Variants in MNX1 observed in about 807,000 individuals in gnomAD.
MNX1 encodes the protein motor neuron and pancreas homeobox protein 1.
MNX1 carries 2 observed loss-of-function variants against 17.3 expected under a neutral mutation model. The observed-to-expected ratio is 0.12, with a 90% CI of 0.05 to 0.36. MNX1 has a LOEUF of 0.36. MNX1 is among the 10% of genes least tolerant of loss of function. The pLI, the probability that MNX1 is intolerant of heterozygous loss-of-function variation, is 1.00. For synonymous variants in MNX1, 306 were observed against 283.1 expected (o/e 1.08, Z -0.81); for missense variants, 556 against 564.7 (o/e 0.98, Z 0.16).
Position 157,009,712 on chromosome 7 carries a change from C to A in MNX1, c.639G>T (p.Trp213Cys). ...TCATGCCCGCGGTGGACGCGCGCAG[C>A]CACTGGTCCAGCTGGAAGGTGCCGG... ...LGAGTFQLDQWLRASTAGMIL... is the reference protein window; with the variant it reads ...LGAGTFQLDQCLRASTAGMIL... Residue 213 changes from tryptophan (W) to cysteine (C), a missense_variant, in exon 1 of 3, where the codon TGG (tryptophan) becomes TGT (cysteine). Trp to Cys is a radical substitution (Grantham distance 215). Around this residue, in one of 7 missense-constraint regions of MNX1, gnomAD observed 210 missense variants for 211.3 expected, o/e 0.99. Coordinates refer to ENST00000252971, the MANE Select transcript of MNX1 (RefSeq NM_005515.4). The A allele has an allele frequency of 5.0e-6, 8 of 1,608,592 alleles. No individual in the cohort carries two copies. The highest frequency in any genetic ancestry group is 6.8e-6 in the Non-Finnish European group (8 of 1,178,956).
In MNX1 at chr7:157,010,658, C is replaced by G. The variant is rs549062276; in HGVS notation, c.-308G>C. 497 of 218,884 alleles carry G rather than the reference C, an allele frequency of 2.3e-3. 5 individuals carry two copies. Among genetic ancestry groups the G allele is most frequent in the African/African-American group, 0.01 (451 of 44,300 alleles). 13.6% of individuals were successfully genotyped at this position (218,884 alleles called of 1,614,324 possible). A position where few individuals can be genotyped will look rare whatever the true frequency, so the allele number is the denominator to read the frequency against. On this transcript the variant is annotated 5_prime_UTR_variant, in exon 1 of 3. Coordinates refer to ENST00000252971, the MANE Select transcript of MNX1 (RefSeq NM_005515.4). ...GCGACCGCGCGGAGGCCGCTGCCGC[C>G]GTGGTGGGGACCCGCGCCCCTCCGC...
chr7:157,005,353 G>A lies in MNX1; in HGVS notation c.*167C>T. The A allele has an allele frequency of 5.6e-6, 1 of 177,576 alleles. No homozygotes were observed. Among genetic ancestry groups the A allele is most frequent in the South Asian group, 4.8e-4 (1 of 2,068 alleles). The allele number at this position is 177,576 out of a possible 1,614,324, so 11.0% of individuals were successfully genotyped here. ...CTTAAAAGGGAAGCGCCCAGGACCG[G>A]AGCCGCGGCCGAATCCCTCCAGCCC... On this transcript the variant is annotated 3_prime_UTR_variant, in exon 3 of 3. Transcript: ENST00000252971.
rs555759868 is a variant in MNX1, at chr7:157,005,938, C to G, written c.853-65G>C. ...CCCCAGGGCTTCCTGTCCCCGGAGT[C>G]CCCCGGCCGCGTGCGCCTGGGCCCC... On this transcript the variant is annotated intron_variant, in intron 2 of 2. Transcript: ENST00000252971. 9.1e-5 allele frequency: 145 copies of G among 1,585,994 alleles called. No homozygotes were observed. In the African/African-American group the frequency reaches 1.6e-3, roughly 18 times the overall value.
At chr7:157,008,840 C>A in intron 1 of MNX1, 1 of 717,936 alleles carries the variant, frequency 1.4e-6, no homozygotes, top group Non-Finnish European at 2.3e-6. Flanking sequence ...CCCGGAGCCC[C>A]AGCCCGGAGA....
intron 1 of MNX1, among the ~76,000 whole-genome samples, chr7:157,007,346 A>C (rs1161462645): frequency 6.6e-6 from 1 of 150,580 alleles, no homozygotes; most frequent in Non-Finnish European, 1.5e-5. Context: ...GAAGGAAAGA[A>C]GGAAAGAAGG....
At chr7:157,008,875 A>AG (rs1460668260) in intron 1 of MNX1, 10 of 996,426 alleles carry the variant, frequency 1.0e-5, no homozygotes, top group Non-Finnish European at 1.5e-5. Flanking sequence ...GGAAAGCCTG[A>AG]GGGGCCCAGG....
At chr7:157,008,941 T>G (rs1805653927) in intron 1 of MNX1, 1 of 1,514,252 alleles carries the variant, frequency 6.6e-7, no homozygotes, top group South Asian at 1.2e-5. Context: ...GCCCAGCGGC[T>G]CTGGGGTGGG....
chr7:157,006,652 G>T lies in MNX1; in HGVS notation c.692-13C>A. The T allele has an allele frequency of 6.4e-7, 1 of 1,573,480 alleles. No individual in the cohort carries two copies. ...GACTGCGCCTGGGCTGGGGACCAAA[G>T]GGCAGTGAGGCCCACAGCCGGCTCC... is the stretch of plus-strand genomic sequence containing the variant. On this transcript the variant is annotated splice_polypyrimidine_tract_variant and intron_variant, in intron 1 of 2. Transcript: ENST00000252971. This position sits in a 1 kb window ranked among gnomAD's most constrained non-coding sequence, Gnocchi z 6.3.
Position 157,006,367 on chromosome 7 carries a change from G to T in MNX1, c.852+112C>A. The T allele has an allele frequency of 7.9e-7, 1 of 1,267,574 alleles. No individual in the cohort carries two copies. The highest frequency in any genetic ancestry group is 1.1e-6 in the Non-Finnish European group (1 of 926,038). The allele number at this position is 1,267,574 out of a possible 1,614,324, so 78.5% of individuals were successfully genotyped here. ...AGATGAACCCGTGCGCCCGCCGTCT[G>T]AACCGTCGAGGCGCAGCGCTAGATG... On this transcript the variant is annotated intron_variant, in intron 2 of 2. Transcript: ENST00000252971. The surrounding 1 kb of genome is among the most constrained non-coding windows in gnomAD (Gnocchi z 6.3).
At position 157,006,853 on chromosome 7, in the gene MNX1, A is replaced by ATTTTTTTTT. The variant is rs373662349; in HGVS notation, c.692-223_692-215dup. 2,243 of 273,028 alleles carry ATTTTTTTTT rather than the reference A, an allele frequency of 8.2e-3. 147 individuals carry two copies. The highest frequency in any genetic ancestry group is 0.045 in the African/African-American group (1,210 of 26,682). The allele number at this position is 273,028 out of a possible 1,614,324, so 16.9% of individuals were successfully genotyped here. On this transcript the variant is annotated intron_variant, in intron 1 of 2. Transcript: ENST00000252971. The surrounding 1 kb of genome is among the most constrained non-coding windows in gnomAD (Gnocchi z 6.3). ...GGATAGTTTGGAGTTAATGAGACCA[A>ATTTTTTTTT]TTTTTTTTTTTTTTTTTGTCTAGGA...
intron 1 of MNX1, chr7:157,009,263 G>C: frequency 7.0e-7 from 1 of 1,420,654 alleles, no homozygotes; most frequent in Non-Finnish European, 9.2e-7. Context: ...CCCAGTGGGG[G>C]ACCTGGCCCA....
chr7:157,009,689 A>T lies in MNX1; in HGVS notation c.662T>A (p.Met221Lys), dbSNP rs1805671756. The T allele has an allele frequency of 5.0e-6, 8 of 1,608,836 alleles. No homozygotes were observed. Among genetic ancestry groups the T allele is most frequent in the Admixed American group, 1.7e-5 (1 of 59,938 alleles). The change falls in exon 1 of 3, where the codon ATG becomes AAG. Residue 221 changes from methionine to lysine, a missense_variant. This residue lies in a region of MNX1 where 210 missense variants were observed against 211.3 expected (regional missense o/e 0.99). Coordinates refer to ENST00000252971, the MANE Select transcript of MNX1 (RefSeq NM_005515.4). ...GAAGTCGGGCATCTTAGGCAGGATCATGCCCGCGGTGGACGCGCGCAGCCA... is the reference window on the plus strand; with the variant it reads ...GAAGTCGGGCATCTTAGGCAGGATCTTGCCCGCGGTGGACGCGCGCAGCCA... ...DQWLRASTAG[M>K]ILPKMPDFNS...
chr7:157,009,978 C>CGGT lies in MNX1; in HGVS notation c.372_373insACC (p.Ala124_Ala125insThr). On this transcript the variant is annotated inframe_insertion, in exon 1 of 3. Coordinates refer to ENST00000252971, the MANE Select transcript of MNX1 (RefSeq NM_005515.4). ...GCGGCGGCGGCGGCGGCGGCGGCGG[C>CGGT]AGCGGCCGCTGCGCCCGGATGCGCG... The CGGT allele has an allele frequency of 1.0e-6, 1 of 982,148 alleles. No homozygotes were observed. Among genetic ancestry groups the CGGT allele is most frequent in the Non-Finnish European group, 1.2e-6 (1 of 830,748 alleles). 60.8% of individuals were successfully genotyped at this position (982,148 alleles called of 1,614,324 possible).
Position 157,009,875 on chromosome 7 carries a change from T to C in MNX1, c.476A>G (p.Tyr159Cys). ...GGAGTAGCCGTAGACCGGGTGGCCG[T>C]AGAGCGCCGCCTGCGCCGGGAGGCC... ...GAGLPAQAAL[Y>C]GHPVYGYSAA... is the part of the protein sequence containing the mutation. Residue 159 changes from tyrosine to cysteine, a missense_variant, in exon 1 of 3, where the codon TAC becomes TGC. By Grantham distance (194) the Tyr-to-Cys change is radical (BLOSUM62 -2). Coordinates refer to ENST00000252971, the MANE Select transcript of MNX1 (RefSeq NM_005515.4). 2 of 1,451,206 alleles carry C rather than the reference T, an allele frequency of 1.4e-6. No homozygotes were observed. Among genetic ancestry groups the C allele is most frequent in the Non-Finnish European group, 1.8e-6 (2 of 1,108,870 alleles). The allele number at this position is 1,451,206 out of a possible 1,614,324, so 89.9% of individuals were successfully genotyped here. A position where few individuals can be genotyped will look rare whatever the true frequency, so the allele number is the denominator to read the frequency against.
intron 2 of MNX1, 76 bp from the exon 3 acceptor site, chr7:157,005,949 G>C (rs969600801): frequency 8.4e-6 from 13 of 1,554,594 alleles, no homozygotes; most frequent in African/African-American, 4.1e-5. Context: ...CCCCGGCCGC[G>C]TGCGCCTGGG....
Position 157,009,834 on chromosome 7 carries a change from C to G in MNX1, c.517G>C (p.Ala173Pro), listed in dbSNP as rs1227998537. Residue 173 changes from alanine to proline, a missense_variant, in exon 1 of 3, where the codon GCT (alanine) becomes CCT (proline). Physicochemically the swap from Ala to Pro is conservative, Grantham distance 27. Coordinates refer to ENST00000252971, the MANE Select transcript of MNX1 (RefSeq NM_005515.4). ...VYGYSAAAAA[A>P]ALAGQHPALS... The stretch of plus-strand genomic sequence containing the variant: ...GCCGGGTGCTGGCCCGCCAGCGCAG[C>G]CGCCGCCGCCGCCGCGGAGTAGCCG... 2.7e-6 allele frequency: 4 copies of G among 1,466,556 alleles called. No individual in the cohort carries two copies. In the East Asian group the frequency reaches 8.3e-5, roughly 31 times the overall value. The allele number at this position is 1,466,556 out of a possible 1,614,324, so 90.8% of individuals were successfully genotyped here. A position where few individuals can be genotyped will look rare whatever the true frequency, so the allele number is the denominator to read the frequency against.
chr7:157,010,249 G>T lies in MNX1; in HGVS notation c.102C>A (p.Leu34=). Residue 34 remains leucine (L), a synonymous_variant, in exon 1 of 3, where the codon CTC becomes CTA. Coordinates refer to ENST00000252971, the MANE Select transcript of MNX1 (RefSeq NM_005515.4). Reference sequence around the variant, plus strand: ...CTCCGGTGCCAGATGCGGCGGCGGCGAGCGACGTGACCAAGGCCAGCGGCG... The same window carrying T: ...CTCCGGTGCCAGATGCGGCGGCGGCTAGCGACGTGACCAAGGCCAGCGGCG... ...QSAPLALVTS[L]AAAASGTGGG... The T allele has an allele frequency of 7.2e-7, 1 of 1,386,704 alleles. No homozygotes were observed. The highest frequency in any genetic ancestry group is 1.7e-5 in the South Asian group (1 of 58,386). 85.9% of individuals were successfully genotyped at this position (1,386,704 alleles called of 1,614,324 possible).
rs761015081 is a variant in MNX1, at chr7:157,010,253, G to A, written c.98C>T (p.Ser33Leu). ...GGTGCCAGATGCGGCGGCGGCGAGC[G>A]ACGTGACCAAGGCCAGCGGCGCGCT... ...AQSAPLALVTSLAAAASGTGG... is the reference protein window; with the variant it reads ...AQSAPLALVTLLAAAASGTGG... Residue 33 changes from serine (S) to leucine (L), a missense_variant, in exon 1 of 3, where the codon TCG becomes TTG. This residue lies in a region of MNX1 where 3 missense variants were observed against 18.4 expected (regional missense o/e 0.16). Transcript: ENST00000252971. The A allele has an allele frequency of 4.2e-6, 6 of 1,413,454 alleles. No individual in the cohort carries two copies. The allele number at this position is 1,413,454 out of a possible 1,614,324, so 87.6% of individuals were successfully genotyped here.
At chr7:157,009,184 C>T in intron 1 of MNX1, 6 of 1,469,330 alleles carry the variant, frequency 4.1e-6, no homozygotes, top group Non-Finnish European at 5.4e-6. Context: ...GCCTCCGAAG[C>T]CCATTTCTCT....
Sources: allele counts gnomAD v4.1 joint callset (sites outside exome capture counted in the v4.1 genomes callset), GRCh38; gene constraint gnomAD v4.1.1; regional missense constraint gnomAD v4.1.1; non-coding constraint Gnocchi (gnomAD v3.1); transcripts MANE v1.5; gene names NCBI Gene and HGNC (gene_info 2026-07-23, HGNC 2026-07-21).